The following EP400 variants were observed in gnomAD, a reference collection of about 807,000 sequenced individuals.
The protein encoded by EP400 is E1A binding protein p400.
A neutral mutation model predicts 354.1 loss-of-function variants in EP400; 105 were observed. The ratio of observed to expected loss-of-function variants is 0.30; its 90% CI spans 0.25 to 0.35. The LOEUF (loss-of-function observed/expected upper bound fraction) is 0.35, where lower values mean the gene tolerates loss of function less well. Among genes scored for constraint, EP400 ranks in the 10% least tolerant of loss-of-function variants. The probability of loss-of-function intolerance (pLI) is 1.00; values close to 1 mark genes in which losing one functional copy is unlikely to be tolerated. For missense variants in EP400, 3,280 were observed against 4,121.0 expected (o/e 0.80, Z 5.59); for synonymous variants, 1,646 against 1,716.9 (o/e 0.96, Z 1.02).
At chr12:131,951,894 A>C (rs1891514661) in intron 1 of EP400, among the ~76,000 whole-genome samples, 1 of 151,388 alleles carries the variant, frequency 6.6e-6, no homozygotes, top group African/African-American at 2.4e-5. Context: ...CTCTTGCCTC[A>C]GCTTCCCAAG....
At position 132,077,449 on chromosome 12, in the gene EP400, CA is replaced by C; in HGVS notation, c.9149del (p.Gln3050ArgfsTer4). On this transcript the variant is annotated frameshift_variant, in exon 53 of 53. Transcript: ENST00000389561. LOFTEE classifies it high-confidence loss of function. The stretch of plus-strand genomic sequence containing the variant: ...CACGCAGGCGACGGCGGCCGGGCAG[CA>C]GGTGCAGATGATCCCTGCAGTGACC... The part of the protein sequence containing the change: ...ALTQATAAGQ[Q>X]VQMIPAVTAT... 1.2e-6 allele frequency: 2 copies of C among 1,613,152 alleles called. No individual in the cohort carries two copies. The highest frequency in any genetic ancestry group is 1.7e-6 in the Non-Finnish European group (2 of 1,179,966).
chr12:132,034,065 T>C (rs1333216826), intron 30 of EP400, among the ~76,000 whole-genome samples: 1 of 152,238 alleles, frequency 6.6e-6, no homozygotes, highest in Non-Finnish European at 1.5e-5. Context: ...GTGTCTTCTT[T>C]TGTAAACTTT....
chr12:132,049,392 G>A (rs546395208), intron 39 of EP400, among the ~76,000 whole-genome samples: 172 of 152,330 alleles, frequency 1.1e-3, no homozygotes, highest in Non-Finnish European at 1.9e-3. Flanking sequence ...ACAGTGTTCC[G>A]GAAGCAGACT....
Position 132,067,297 on chromosome 12 carries a change from G to A in EP400, c.8750-65G>A. ...CTGTAGAGGTGAGTCAGTTGGAACA[G>A]AGCTTGGCGTGAGCCTCAAGCTCTT... On this transcript the variant is annotated intron_variant, in intron 49 of 52. Transcript: ENST00000389561. This position sits in a 1 kb window ranked among gnomAD's most constrained non-coding sequence, Gnocchi z 5.3. 3.8e-6 allele frequency: 6 copies of A among 1,580,644 alleles called. No individual in the cohort carries two copies. Among genetic ancestry groups the A allele is most frequent in the Non-Finnish European group, 5.2e-6 (6 of 1,160,850 alleles).
In EP400 at chr12:131,971,175, G is replaced by A. The variant is rs116874773; in HGVS notation, c.1336-8519G>A. ...GCTGTGATTGTGCCACTACACTCCA[G>A]GCTGGGCTGTAGAGCAATACCCTGT... On this transcript the variant is annotated intron_variant, in intron 2 of 52. Transcript: ENST00000389561. Among the ~76,000 whole-genome samples, 1,080 of 152,258 alleles carry A rather than the reference G, an allele frequency of 7.1e-3. 35 individuals carry two copies. The South Asian group carries it at 0.093, about 13-fold the overall frequency.
rs1895269131 is a variant in EP400 at position 132,050,980 on chromosome 12, G to GCACCC, written c.7394+328_7394+329insCCCAC. On this transcript the variant is annotated intron_variant, in intron 41 of 52. Transcript: ENST00000389561. This position sits in a 1 kb window ranked among gnomAD's most constrained non-coding sequence, Gnocchi z 4.8. Reference sequence around the variant, plus strand: ...TTCTTCCTCACACCCCACCTCTCAGGCACTGATTTTGTTCGCCATATCTTA... The same window carrying GCACCC: ...TTCTTCCTCACACCCCACCTCTCAGGCACCCCACTGATTTTGTTCGCCATATCTTA... 2.2e-6 allele frequency: 1 copy of GCACCC among 461,048 alleles called. No homozygotes were observed. The highest frequency in any genetic ancestry group is 3.8e-5 in the Admixed American group (1 of 26,534). The allele number at this position is 461,048 out of a possible 1,614,324, so 28.6% of individuals were successfully genotyped here.
intron 51 of EP400, among the ~76,000 whole-genome samples, chr12:132,071,899 G>T (rs1390227810): frequency 6.6e-6 from 1 of 152,224 alleles, no homozygotes; most frequent in Non-Finnish European, 1.5e-5. Context: ...AATAAAGCAA[G>T]CCCCATGAGT....
At chr12:131,996,457 A>C (rs1893220934) in intron 12 of EP400, among the ~76,000 whole-genome samples, 1 of 151,710 alleles carries the variant, frequency 6.6e-6, no homozygotes, top group African/African-American at 2.4e-5. Context: ...ACGCCCGGCT[A>C]ATTTTTTGTA....
chr12:132,076,899 A>C (rs999742851), intron 52 of EP400, among the ~76,000 whole-genome samples: 16 of 152,222 alleles, frequency 1.1e-4, no homozygotes, highest in Admixed American at 1.0e-3. Context: ...CACAGGCCTC[A>C]GGCAAGCAGG....
At chr12:131,999,978 TC>T (rs1349780056) in intron 12 of EP400, among the ~76,000 whole-genome samples, 2 of 151,010 alleles carry the variant, frequency 1.3e-5, no homozygotes, top group African/African-American at 2.4e-5. Flanking sequence ...TTTGTCAGAT[TC>T]TTTTTTTTTT....
intron 32 of EP400, among the ~76,000 whole-genome samples, chr12:132,039,865 C>A (rs900196972): frequency 3.9e-5 from 6 of 152,112 alleles, no homozygotes; most frequent in Non-Finnish European, 5.9e-5. Context: ...ATAGTGGGAC[C>A]CCATCTCTAC....
In EP400 at chr12:132,023,918, C is replaced by T. The variant is rs767686984; in HGVS notation, c.4832C>T (p.Ala1611Val). The T allele has an allele frequency of 5.0e-6, 8 of 1,605,588 alleles. No individual in the cohort carries two copies. Among genetic ancestry groups the T allele is most frequent in the East Asian group, 4.5e-5 (2 of 44,640 alleles). Reference protein sequence around the residue: ...LSHSQLRQLTAGQPLQLQGSV... With the variant: ...LSHSQLRQLTVGQPLQLQGSV... ...CACAGCCAGCTCCGGCAGCTCACAG[C>T]GGGCCAGCCGCTGCAGCTGCAAGGT... Residue 1611 changes from alanine to valine, a missense_variant, in exon 24 of 53, where the codon GCG becomes GTG. Ala to Val is a moderately conservative substitution (Grantham distance 64). Around this residue, in one of 20 missense-constraint regions of EP400, gnomAD observed 25 missense variants for 51.2 expected, o/e 0.49. Coordinates refer to ENST00000389561, the MANE Select transcript of EP400 (RefSeq NM_015409.5).
intron 5 of EP400, among the ~76,000 whole-genome samples, chr12:131,985,677 A>T (rs550775113): frequency 6.6e-6 from 1 of 152,282 alleles, no homozygotes; most frequent in East Asian, 1.9e-4. Flanking sequence ...GCGCAATCTC[A>T]GCTCACCACA....
rs1001778793 is a variant in EP400 at position 132,025,610 on chromosome 12, G to T, written c.4856-36G>T. On this transcript the variant is annotated intron_variant, in intron 24 of 52. Coordinates refer to ENST00000389561, the MANE Select transcript of EP400 (RefSeq NM_015409.5). This position sits in a 1 kb window ranked among gnomAD's most constrained non-coding sequence, Gnocchi z 4.1. ...GAGTGTGTGGCTGTGATGTACACAT[G>T]CCTGTCATTGACACCTAGTGGACCT... The T allele has an allele frequency of 2.6e-6, 4 of 1,555,512 alleles. No homozygotes were observed. The highest frequency in any genetic ancestry group is 2.0e-5 in the Admixed American group (1 of 50,970).
At chr12:132,058,833 C>A (rs1313280884) in intron 45 of EP400, among the ~76,000 whole-genome samples, 1 of 149,072 alleles carries the variant, frequency 6.7e-6, no homozygotes, top group Non-Finnish European at 1.5e-5. Context: ...GTTGCTCTGG[C>A]TGGAGTGCAG....
chr12:132,042,156 G>T (rs1306373092), intron 32 of EP400, among the ~76,000 whole-genome samples: 1 of 151,898 alleles, frequency 6.6e-6, no homozygotes, highest in African/African-American at 2.4e-5. Context: ...TCTCCATGTT[G>T]GCCAGGCTGG....
chr12:132,011,418 C>T (rs759412379), intron 15 of EP400, 80 bp from the exon 16 acceptor site: 23 of 1,529,680 alleles, frequency 1.5e-5, no homozygotes, highest in South Asian at 8.7e-5. Context: ...ACTGATGAAG[C>T]GTCTCTGGTC....
rs1323209706 is a variant in EP400, at chr12:132,013,510, T to C, written c.3632T>C (p.Ile1211Thr). Residue 1211 changes from isoleucine (I) to threonine (T), a missense_variant, in exon 18 of 53, where the codon ATC (isoleucine) becomes ACC (threonine). Ile to Thr is a moderately conservative substitution (Grantham distance 89). Coordinates refer to ENST00000389561, the MANE Select transcript of EP400 (RefSeq NM_015409.5). This position sits in a 1 kb window ranked among gnomAD's most constrained non-coding sequence, Gnocchi z 4.5. ...TLQSQQRLLL[I>T]DSPLHNTFLE... ...TGCAGCCAACAACGTCTGCTTCTGATCGACTCGCCGCTGCACAATACCTTC... is the reference window on the plus strand; with the variant it reads ...TGCAGCCAACAACGTCTGCTTCTGACCGACTCGCCGCTGCACAATACCTTC... 6.3e-7 allele frequency: 1 copy of C among 1,577,730 alleles called. No homozygotes were observed. Among genetic ancestry groups the C allele is most frequent in the African/African-American group, 1.4e-5 (1 of 73,596 alleles).
intron 2 of EP400, among the ~76,000 whole-genome samples, chr12:131,969,045 C>CTTT (rs111450529): frequency 7.0e-6 from 1 of 142,142 alleles, no homozygotes. Flanking sequence ...CTTTACTTTT[C>CTTT]TTTTTTTTTT....
Sources: gnomAD v4.1 joint callset for allele counts (sites outside exome capture counted in the v4.1 genomes callset) on GRCh38, gnomAD v4.1.1 for gene constraint, gnomAD v4.1.1 regional missense constraint, Gnocchi (gnomAD v3.1) non-coding constraint, MANE v1.5 for transcripts, NCBI Gene and HGNC (gene_info 2026-07-23, HGNC 2026-07-21) for gene names.